Variants in MAN1A2 observed in about 807,000 individuals in gnomAD.
MAN1A2 encodes the protein mannosyl-oligosaccharide 1,2-alpha-mannosidase IB.
Under a neutral mutation model 75.7 loss-of-function variants are expected in MAN1A2, and 26 were observed. That is an observed-to-expected ratio of 0.34 (90% CI 0.25 to 0.48). The LOEUF is 0.48. Among genes scored for constraint, MAN1A2 ranks in the 20% least tolerant of loss-of-function variants. The pLI is 0.99. For synonymous variants in MAN1A2, 247 were observed against 264.6 expected (o/e 0.93, Z 0.65); for missense variants, 562 against 775.5 (o/e 0.72, Z 3.27).
chr1:117,458,523 A>ATATATATTTTTTTTTTTT (rs1553236643), intron 6 of MAN1A2, among the ~76,000 whole-genome samples: 3 of 105,604 alleles, frequency 2.8e-5, no homozygotes, highest in Admixed American at 9.7e-5. Flanking sequence ...ATATATATAT[A>ATATATATTTTTTTTTTTT]TTTTTTTTTT....
chr1:117,469,883 T>C (rs531306758), intron 8 of MAN1A2, among the ~76,000 whole-genome samples: 8 of 152,208 alleles, frequency 5.3e-5, no homozygotes, highest in African/African-American at 1.2e-4. Context: ...GAATGTAAAA[T>C]GGTGCAGCTG....
intron 6 of MAN1A2, among the ~76,000 whole-genome samples, chr1:117,458,508 TATAG>T (rs1437572411): frequency 5.5e-4 from 55 of 99,236 alleles, no homozygotes; most frequent in Middle Eastern, 4.7e-3. Flanking sequence ...TATATATATA[TATAG>T]ATATATATAT....
Position 117,368,361 on chromosome 1 carries a change from T to A in MAN1A2, c.178T>A (p.Ser60Thr). ...TGGGGCATTCTTTTTCCTTCCAGAC[T>A]CTTCAAAACACAAACGCTTTGATTT... is the stretch of plus-strand genomic sequence containing the variant. ...CFGAFFFLPD[S>T]SKHKRFDLGL... Residue 60 changes from serine (S) to threonine (T), a missense_variant, in exon 1 of 13, where the codon TCT (serine) becomes ACT (threonine). Physicochemically the swap from Ser to Thr is moderately conservative, Grantham distance 58. Coordinates refer to ENST00000356554, the MANE Select transcript of MAN1A2 (RefSeq NM_006699.5). The A allele has an allele frequency of 6.2e-7, 1 of 1,614,150 alleles. No individual in the cohort carries two copies. Among genetic ancestry groups the A allele is most frequent in the Non-Finnish European group, 8.5e-7 (1 of 1,180,008 alleles).
rs564686879 is a variant in MAN1A2 at position 117,403,341 on chromosome 1, G to C, written c.558+900G>C. Among the ~76,000 whole-genome samples the C allele has an allele frequency of 5.9e-5, 9 of 152,278 alleles. 1 individual carries two copies. Among genetic ancestry groups the C allele is most frequent in the South Asian group, 2.1e-4 (1 of 4,824 alleles). On this transcript the variant is annotated intron_variant, in intron 2 of 12. Coordinates refer to ENST00000356554, the MANE Select transcript of MAN1A2 (RefSeq NM_006699.5). The stretch of plus-strand genomic sequence containing the variant: ...TGGAGTAGAAATAGAGCTGTGCTCT[G>C]ATTTTACCTCACCTCTAGAGTCTGT...
chr1:117,412,551 A>G (rs1244001673), intron 3 of MAN1A2, among the ~76,000 whole-genome samples: 1 of 151,572 alleles, frequency 6.6e-6, no homozygotes, highest in Non-Finnish European at 1.5e-5. Context: ...TTCTTAGAAT[A>G]TTCAGTTATT....
chr1:117,394,136 C>T (rs1005680851), intron 1 of MAN1A2, among the ~76,000 whole-genome samples: 1 of 151,002 alleles, frequency 6.6e-6, no homozygotes, highest in Non-Finnish European at 1.5e-5. Context: ...GGCTGGAGTG[C>T]AGTGGCGCAG....
In MAN1A2 at chr1:117,496,815, G is replaced by A; in HGVS notation, c.1337G>A (p.Gly446Glu). ...KKSRGGLTFI[G>E]EWKNGHLEKK... ...TCTCGTGGAGGTCTTACCTTTATTG[G>A]AGAATGGAAGAATGGGCACTTGGAA... Residue 446 changes from glycine to glutamate, a missense_variant, in exon 10 of 13, where the codon GGA (glycine) becomes GAA (glutamate). Gly to Glu is a moderately conservative substitution (Grantham distance 98, BLOSUM62 -2). Coordinates refer to ENST00000356554, the MANE Select transcript of MAN1A2 (RefSeq NM_006699.5). The A allele has an allele frequency of 6.2e-7, 1 of 1,612,568 alleles. No homozygotes were observed.
At position 117,445,868 on chromosome 1, in the gene MAN1A2, G is replaced by GTATATA. The variant is rs1256464203; in HGVS notation, c.950+3544_950+3545insATATAT. Among the ~76,000 whole-genome samples, 59 of 94,164 alleles carry GTATATA rather than the reference G, an allele frequency of 6.3e-4. 1 individual carries two copies. The highest frequency in any genetic ancestry group is 3.8e-3 in the East Asian group (14 of 3,686). The allele number at this position is 94,164 out of a possible 152,430, so 61.8% of individuals were successfully genotyped here. On this transcript the variant is annotated intron_variant, in intron 6 of 12. Transcript: ENST00000356554. ...TGTGTGTGTGTGTGTGTATGTGTGTGTGTGTCTGTGTGTGTGTATATATAT... is the reference window on the plus strand; with the variant it reads ...TGTGTGTGTGTGTGTGTATGTGTGTGTATATATGTGTCTGTGTGTGTGTATATATAT...
chr1:117,448,576 T>C (rs868047072), intron 6 of MAN1A2, among the ~76,000 whole-genome samples: 3 of 152,208 alleles, frequency 2.0e-5, no homozygotes, highest in Admixed American at 6.5e-5. Context: ...ATAAAAAATT[T>C]ACTTGACAAG....
rs890367159 is a variant in MAN1A2 at position 117,372,752 on chromosome 1, C to CT, written c.302+4277dup. Among the ~76,000 whole-genome samples, 31 of 147,690 alleles carry CT rather than the reference C, an allele frequency of 2.1e-4. No homozygotes were observed. The South Asian group carries it at 5.5e-3, about 26-fold the overall frequency. ...CATAATAGATCTCAATAATTAAAAACTTTTTTTTTTAAAACTGACATTTGT... is the reference window on the plus strand; with the variant it reads ...CATAATAGATCTCAATAATTAAAAACTTTTTTTTTTTAAAACTGACATTTGT... On this transcript the variant is annotated intron_variant, in intron 1 of 12. Transcript: ENST00000356554.
chr1:117,502,400 T>C (rs17037349), intron 11 of MAN1A2, among the ~76,000 whole-genome samples: 18,176 of 151,674 alleles, frequency 0.12, 1,148 homozygotes, highest in Non-Finnish European at 0.14. Flanking sequence ...TATTATCTCT[T>C]ACCGCTATTA....
chr1:117,434,630 T>C (rs1648789949), intron 5 of MAN1A2, among the ~76,000 whole-genome samples: 1 of 152,126 alleles, frequency 6.6e-6, no homozygotes, highest in African/African-American at 2.4e-5. Flanking sequence ...AATTGATATA[T>C]CTGTTACCAT....
At position 117,511,070 on chromosome 1, in the gene MAN1A2, T is replaced by G. The variant is rs549585948; in HGVS notation, c.1793+8100T>G. 3.3e-5 allele frequency among the ~76,000 whole-genome samples: 5 copies of G among 152,078 alleles called. No individual in the cohort carries two copies. The East Asian group carries it at 9.7e-4, about 29-fold the overall frequency. On this transcript the variant is annotated intron_variant, in intron 12 of 12. Transcript: ENST00000356554. The stretch of plus-strand genomic sequence containing the variant: ...ATAACTGGGGAAGCCTCAGGAAGCT[T>G]AAATCGTGGCAGAAGGGGAGGTGGG...
chr1:117,440,797 C>T (rs1649005863), intron 5 of MAN1A2, among the ~76,000 whole-genome samples: 1 of 151,922 alleles, frequency 6.6e-6, no homozygotes. Flanking sequence ...GTGTGATTAA[C>T]AAAGATATAG....
intron 8 of MAN1A2, among the ~76,000 whole-genome samples, chr1:117,469,200 C>T (rs1384952865): frequency 6.6e-6 from 1 of 151,898 alleles, no homozygotes; most frequent in Non-Finnish European, 1.5e-5. Flanking sequence ...AAAACCAAAT[C>T]CAAAAAACAG....
chr1:117,387,478 C>A (rs901003651), intron 1 of MAN1A2, among the ~76,000 whole-genome samples: 2 of 152,108 alleles, frequency 1.3e-5, no homozygotes, highest in African/African-American at 4.8e-5. Context: ...GAGGATAAAC[C>A]GCATAAGCTA....
At chr1:117,384,598 A>G (rs1350306085) in intron 1 of MAN1A2, among the ~76,000 whole-genome samples, 2 of 152,074 alleles carry the variant, frequency 1.3e-5, no homozygotes, top group African/African-American at 4.8e-5. Context: ...TGCTCTGCAT[A>G]TGTTGGTTAG....
chr1:117,491,118 G>A, intron 8 of MAN1A2, among the ~76,000 whole-genome samples: 1 of 151,600 alleles, frequency 6.6e-6, no homozygotes, highest in South Asian at 2.1e-4. Flanking sequence ...TTTTTTTCCA[G>A]AAGATCTAAC....
intron 8 of MAN1A2, among the ~76,000 whole-genome samples, chr1:117,477,766 TACTGG>T (rs1421418308): frequency 1.3e-5 from 2 of 152,014 alleles, no homozygotes; most frequent in African/African-American, 2.4e-5. Context: ...TACAACATAG[TACTGG>T]AAGTCCTGGC....
Sources: allele counts gnomAD v4.1 joint callset (sites outside exome capture counted in the v4.1 genomes callset), GRCh38; gene constraint gnomAD v4.1.1; transcripts MANE v1.5; gene names NCBI Gene and HGNC (gene_info 2026-07-23, HGNC 2026-07-21).